The following NRG3 variants were observed in gnomAD, a reference collection of about 807,000 sequenced individuals.
NRG3 encodes the protein neuregulin 3, also known as pro-neuregulin-3, membrane-bound isoform.
A neutral mutation model predicts 66.9 loss-of-function variants in NRG3; 31 were observed. The observed-to-expected ratio is 0.46, with a 90% CI of 0.35 to 0.63. The LOEUF (loss-of-function observed/expected upper bound fraction) is 0.63. NRG3 is among the 20% of genes least tolerant of loss of function. NRG3 has a pLI of 0.00. For synonymous variants in NRG3, 393 were observed against 359.4 expected (o/e 1.09, Z -1.06); for missense variants, 910 against 878.9 (o/e 1.04, Z -0.45).
At position 82,427,598 on chromosome 10, in the gene NRG3, A is replaced by T. The variant is rs373478365; in HGVS notation, c.953+68730A>T. 1.1e-3 allele frequency among the ~76,000 whole-genome samples: 163 copies of T among 151,934 alleles called. 1 individual carries two copies. The highest frequency in any genetic ancestry group is 3.5e-3 in the African/African-American group (143 of 41,394). ...GATTTGGTTTCTTACTATTTTGTTG[A>T]GTTGTATTTTGTATGTCTATGTTCA... On this transcript the variant is annotated intron_variant, in intron 2 of 8. Transcript: ENST00000372141.
chr10:82,302,688 C>A (rs1376960977), intron 1 of NRG3, among the ~76,000 whole-genome samples: 2 of 151,944 alleles, frequency 1.3e-5, no homozygotes, highest in Non-Finnish European at 2.9e-5. Flanking sequence ...GAAGGATATC[C>A]CAAGAGAACT....
chr10:82,019,527 T>G (rs2061958257), intron 1 of NRG3, among the ~76,000 whole-genome samples: 4 of 152,198 alleles, frequency 2.6e-5, no homozygotes, highest in Admixed American at 2.6e-4. Flanking sequence ...AGCTCCTCCT[T>G]GTACCTCTGG....
chr10:82,208,439 C>A (rs536428729), intron 1 of NRG3, among the ~76,000 whole-genome samples: 4 of 152,280 alleles, frequency 2.6e-5, no homozygotes, highest in African/African-American at 9.6e-5. Context: ...TACCTCTCAG[C>A]AGAGGCTGGA....
At chr10:82,896,906 T>C (rs17101031) in intron 4 of NRG3, among the ~76,000 whole-genome samples, 3,548 of 152,308 alleles carry the variant, frequency 0.023, 145 homozygotes, top group African/African-American at 0.08. Context: ...CTAAACCCCA[T>C]ACTCATGATT....
At chr10:82,404,291 C>A (rs181458899) in intron 2 of NRG3, among the ~76,000 whole-genome samples, 6 of 152,236 alleles carry the variant, frequency 3.9e-5, no homozygotes, top group Admixed American at 3.3e-4. Flanking sequence ...CAAAGGGTAG[C>A]ACGGTACTGT....
chr10:82,454,597 C>G (rs2091184892), intron 2 of NRG3, among the ~76,000 whole-genome samples: 1 of 152,146 alleles, frequency 6.6e-6, no homozygotes, highest in Non-Finnish European at 1.5e-5. Context: ...ACTGCACAAC[C>G]ATTCAGATAA....
At chr10:81,977,989 G>C (rs1230156374) in intron 1 of NRG3, among the ~76,000 whole-genome samples, 1 of 152,094 alleles carries the variant, frequency 6.6e-6, no homozygotes, top group Non-Finnish European at 1.5e-5. Flanking sequence ...AGGGCAATTA[G>C]TATTTTCGTC....
At position 82,712,512 on chromosome 10, in the gene NRG3, C is replaced by T. The variant is rs1358690272; in HGVS notation, c.954-26065C>T. On this transcript the variant is annotated intron_variant, in intron 2 of 8. Coordinates refer to ENST00000372141, the MANE Select transcript of NRG3 (RefSeq NM_001010848.4). Reference sequence around the variant, plus strand: ...TATGATTCTCCATGGCCAACGCTTCCGAAGGAGTAAATCTGAGCTGGGTGC... The same window carrying T: ...TATGATTCTCCATGGCCAACGCTTCTGAAGGAGTAAATCTGAGCTGGGTGC... Among the ~76,000 whole-genome samples the T allele has an allele frequency of 3.3e-5, 5 of 152,136 alleles. No individual in the cohort carries two copies. In the East Asian group the frequency reaches 7.7e-4, roughly 23 times the overall value.
At chr10:82,431,827 A>T (rs1362313813) in intron 2 of NRG3, among the ~76,000 whole-genome samples, 1 of 152,152 alleles carries the variant, frequency 6.6e-6, no homozygotes, top group Non-Finnish European at 1.5e-5. Context: ...AATATTCTTA[A>T]AAAAATGGAC....
intron 1 of NRG3, among the ~76,000 whole-genome samples, chr10:81,953,560 T>C (rs917587717): frequency 1.3e-5 from 2 of 152,124 alleles, no homozygotes; most frequent in Non-Finnish European, 2.9e-5. Context: ...CCCAAGAAAA[T>C]AGGAGATTGA....
intron 2 of NRG3, among the ~76,000 whole-genome samples, chr10:82,417,507 C>G (rs1234912177): frequency 6.6e-6 from 1 of 152,168 alleles, no homozygotes. Flanking sequence ...TTATGTCATT[C>G]TATAAATAAT....
chr10:82,360,817 T>A (rs2135606109), intron 2 of NRG3, among the ~76,000 whole-genome samples: 1 of 152,146 alleles, frequency 6.6e-6, no homozygotes, highest in South Asian at 2.1e-4. Context: ...TTATGTTTCC[T>A]CTGTAGGTGT....
At chr10:82,109,775 T>A (rs573366465) in intron 1 of NRG3, among the ~76,000 whole-genome samples, 1 of 152,236 alleles carries the variant, frequency 6.6e-6, no homozygotes, top group African/African-American at 2.4e-5. Flanking sequence ...TCGCATTTAA[T>A]CCTCATAACA....
intron 3 of NRG3, chr10:82,827,104 C>A: frequency 3.1e-6 from 1 of 326,112 alleles, no homozygotes. Context: ...TGAAAAATAA[C>A]TCTTGATATT....
rs192266261 is a variant in NRG3, at chr10:82,688,777, A to G, written c.954-49800A>G. 1.5e-3 allele frequency among the ~76,000 whole-genome samples: 231 copies of G among 151,880 alleles called. No homozygotes were observed. In the East Asian group the frequency reaches 0.017, roughly 11 times the overall value. On this transcript the variant is annotated intron_variant, in intron 2 of 8. Transcript: ENST00000372141. ...TCCATAGGTCTTTTTTAGAAAAAAA[A>G]AAAAGAAAAGAAAAGAAAATGTCGC...
At chr10:81,967,218 T>G (rs1232573905) in intron 1 of NRG3, among the ~76,000 whole-genome samples, 6 of 151,908 alleles carry the variant, frequency 3.9e-5, no homozygotes, top group African/African-American at 9.7e-5. Context: ...TATTGCTGAT[T>G]GTTGTTTTTG....
intron 1 of NRG3, among the ~76,000 whole-genome samples, chr10:81,986,626 T>C (rs1053693563): frequency 1.3e-5 from 2 of 152,170 alleles, no homozygotes; most frequent in Non-Finnish European, 2.9e-5. Flanking sequence ...ACCATGTCTT[T>C]TAATTATTTG....
chr10:81,913,270 C>T (rs1258883270), intron 1 of NRG3, among the ~76,000 whole-genome samples: 3 of 152,126 alleles, frequency 2.0e-5, no homozygotes, highest in East Asian at 3.9e-4. Context: ...TTCTCCTCCT[C>T]ACCACCTTTG....
At chr10:82,478,974 A>G (rs1004005561) in intron 2 of NRG3, among the ~76,000 whole-genome samples, 3 of 152,164 alleles carry the variant, frequency 2.0e-5, no homozygotes, top group African/African-American at 7.2e-5. Flanking sequence ...AGCACAGTAC[A>G]GTTTTCTTAT....
Sources: allele counts gnomAD v4.1 joint callset (sites outside exome capture counted in the v4.1 genomes callset), GRCh38; gene constraint gnomAD v4.1.1; transcripts MANE v1.5; gene names NCBI Gene and HGNC (gene_info 2026-07-23, HGNC 2026-07-21).